The following PCDHGA2 variants were observed in gnomAD, a reference collection of about 807,000 sequenced individuals.
PCDHGA2 encodes protocadherin gamma subfamily A, 2.
PCDHGA2 carries 40 observed loss-of-function variants against 59.2 expected under a neutral mutation model. The ratio of observed to expected loss-of-function variants is 0.68; its 90% confidence interval spans 0.52 to 0.88. The LOEUF is 0.88. Ranked by LOEUF, PCDHGA2 falls within the 40% of genes least tolerant of loss-of-function variation. PCDHGA2 has a pLI of 0.00. For synonymous variants in PCDHGA2, 560 were observed against 526.0 expected, an observed-to-expected ratio of 1.06 and a Z score of -0.89; for missense variants, 1,226 against 1,204.0, an observed-to-expected ratio of 1.02 and a Z score of -0.27.
At chr5:141,409,357 T>C (rs754237134) in intron 1 of PCDHGA2, 4 of 1,613,968 alleles carry the variant, frequency 2.5e-6, no homozygotes, top group Non-Finnish European at 2.5e-6. Flanking sequence ...TCAGGTGTAA[T>C]ATAGAAACAG....
rs147783721 is a variant in PCDHGA2 at position 141,404,989 on chromosome 5, G to A, written c.2424+63594G>A. 5 of 1,614,046 alleles carry A rather than the reference G, an allele frequency of 3.1e-6. No homozygotes were observed. The South Asian group carries it at 4.4e-5, about 14-fold the overall frequency. On this transcript the variant is annotated intron_variant, in intron 1 of 3. Coordinates refer to ENST00000394576, the MANE Select transcript of PCDHGA2 (RefSeq NM_018915.4). The stretch of plus-strand genomic sequence containing the variant: ...TCCTGGCTGACCTGGGCAGTCTTCA[G>A]ATCCCTGCAGACCTGGAGGCCTCAG...
At chr5:141,360,004 C>T in intron 1 of PCDHGA2, 1 of 1,185,444 alleles carries the variant, frequency 8.4e-7, no homozygotes, top group South Asian at 1.9e-5. Context: ...CTGCACAAAC[C>T]AACCACACAG....
intron 1 of PCDHGA2, chr5:141,384,922 C>G: frequency 6.2e-7 from 1 of 1,614,018 alleles, no homozygotes; most frequent in Non-Finnish European, 8.5e-7. Flanking sequence ...CTTGGCCGAC[C>G]TGGGCAGCCT....
intron 1 of PCDHGA2, chr5:141,398,805 T>C: frequency 1.2e-6 from 2 of 1,613,964 alleles, no homozygotes; most frequent in Non-Finnish European, 1.7e-6. Flanking sequence ...GCGGCACCAC[T>C]GAGCTCCGGA....
chr5:141,351,814 C>A, intron 1 of PCDHGA2: 1 of 1,613,246 alleles, frequency 6.2e-7, no homozygotes, highest in South Asian at 1.1e-5. Context: ...CCTTCGACCA[C>A]GAGCAGCTGC....
Position 141,491,874 on chromosome 5 carries a change from T to G in PCDHGA2, c.2425-2933T>G, listed in dbSNP as rs1160702024. On this transcript the variant is annotated intron_variant, in intron 1 of 3. Coordinates refer to ENST00000394576, the MANE Select transcript of PCDHGA2 (RefSeq NM_018915.4). The surrounding 1 kb of genome is among the most constrained non-coding windows in gnomAD (Gnocchi z 6.9). ...GTTTGCGCGAAACCAGAGTGGCCGA[T>G]TAAGGGATGGGGCTCCGAGCACCGG... 15 of 1,451,168 alleles carry G rather than the reference T, an allele frequency of 1.0e-5. No homozygotes were observed. The highest frequency in any genetic ancestry group is 1.4e-5 in the Non-Finnish European group (15 of 1,098,162). 89.9% of individuals were successfully genotyped at this position (1,451,168 alleles called of 1,614,324 possible). A position where few individuals can be genotyped will look rare whatever the true frequency, so the allele number is the denominator to read the frequency against.
Position 141,478,507 on chromosome 5 carries a change from T to C in PCDHGA2, c.2425-16300T>C, listed in dbSNP as rs781120326. The C allele has an allele frequency of 4.3e-6, 7 of 1,612,048 alleles. No homozygotes were observed. In the East Asian group the frequency reaches 1.3e-4, roughly 31 times the overall value. On this transcript the variant is annotated intron_variant, in intron 1 of 3. Transcript: ENST00000394576. The stretch of plus-strand genomic sequence containing the variant: ...TGCGGAGCTGTGATCCGGTGTTCTA[T>C]AGGCAGGTGTTGGGTGCAGAGAGCG...
intron 1 of PCDHGA2, chr5:141,384,324 T>C (rs373247436): frequency 6.2e-7 from 1 of 1,613,862 alleles, no homozygotes; most frequent in Non-Finnish European, 8.5e-7. Flanking sequence ...TCTTAGTGAC[T>C]GCACAGGACC....
At chr5:141,481,070 A>G (rs2099531062) in intron 1 of PCDHGA2, among the ~76,000 whole-genome samples, 1 of 152,144 alleles carries the variant, frequency 6.6e-6, no homozygotes, top group South Asian at 2.1e-4. Context: ...AAACAAAAAG[A>G]AAGAAAGAAA....
chr5:141,432,463 C>A lies in PCDHGA2; in HGVS notation c.2425-62344C>A, dbSNP rs781407406. On this transcript the variant is annotated intron_variant, in intron 1 of 3. Transcript: ENST00000394576. The surrounding 1 kb of genome is among the most constrained non-coding windows in gnomAD (Gnocchi z 6.0). Reference sequence around the variant, plus strand: ...CCGAGATCCTGTACCCCGCCCTCCCCACGGACGGTTCCACTGGCGTGGAGC... The same window carrying A: ...CCGAGATCCTGTACCCCGCCCTCCCAACGGACGGTTCCACTGGCGTGGAGC... The A allele has an allele frequency of 5.6e-6, 9 of 1,614,120 alleles. No homozygotes were observed. In the Admixed American group the frequency reaches 1.3e-4, roughly 24 times the overall value.
intron 1 of PCDHGA2, chr5:141,420,995 C>T (rs1448491394): frequency 2.0e-6 from 1 of 503,150 alleles, no homozygotes; most frequent in East Asian, 3.3e-5. Flanking sequence ...CGCCGCTGCT[C>T]ACCAATCAGG....
chr5:141,461,213 T>C (rs1457474925), intron 1 of PCDHGA2, among the ~76,000 whole-genome samples: 1 of 152,168 alleles, frequency 6.6e-6, no homozygotes, highest in African/African-American at 2.4e-5. Flanking sequence ...AGAATCTCCA[T>C]ACTGTTTTCC....
chr5:141,352,551 T>C (rs1484372863), intron 1 of PCDHGA2: 9 of 1,613,846 alleles, frequency 5.6e-6, no homozygotes, highest in Non-Finnish European at 7.6e-6. Flanking sequence ...TTTAATTCTC[T>C]CAACCTGACA....
chr5:141,489,094 G>GAAT lies in PCDHGA2; in HGVS notation c.2425-5711_2425-5710insTAA, dbSNP rs2154581134. 5.1e-6 allele frequency: 2 copies of GAAT among 396,028 alleles called. No homozygotes were observed. Among genetic ancestry groups the GAAT allele is most frequent in the Non-Finnish European group, 9.0e-6 (2 of 221,296 alleles). 24.5% of individuals were successfully genotyped at this position (396,028 alleles called of 1,614,324 possible). Reference sequence around the variant, plus strand: ...CCCACCCCCGCCACTCGGTGACTAAGAACTGCTGCAAGCAGGCAAACCTCC... The same window carrying GAAT: ...CCCACCCCCGCCACTCGGTGACTAAGAATAACTGCTGCAAGCAGGCAAACCTCC... On this transcript the variant is annotated intron_variant, in intron 1 of 3. Coordinates refer to ENST00000394576, the MANE Select transcript of PCDHGA2 (RefSeq NM_018915.4). The surrounding 1 kb of genome is among the most constrained non-coding windows in gnomAD (Gnocchi z 4.5).
intron 1 of PCDHGA2, among the ~76,000 whole-genome samples, chr5:141,386,272 C>T (rs997122540): frequency 1.3e-5 from 2 of 152,150 alleles, no homozygotes; most frequent in African/African-American, 2.4e-5. Context: ...TAACTACTTC[C>T]ATATTCTTTT....
rs769074023 is a variant in PCDHGA2 at position 141,491,738 on chromosome 5, G to T, written c.2425-3069G>T. On this transcript the variant is annotated intron_variant, in intron 1 of 3. Transcript: ENST00000394576. The surrounding 1 kb of genome is among the most constrained non-coding windows in gnomAD (Gnocchi z 6.9). The stretch of plus-strand genomic sequence containing the variant: ...GCGCCGCCCCGGGCGACCCCTGGGG[G>T]CGGCACTGGAGAAGCCGCCCGTCCT... 38 of 1,600,228 alleles carry T rather than the reference G, an allele frequency of 2.4e-5. No homozygotes were observed. The highest frequency in any genetic ancestry group is 3.1e-5 in the Non-Finnish European group (36 of 1,174,204).
At chr5:141,374,816 C>T (rs771806207) in intron 1 of PCDHGA2, 1 of 1,613,964 alleles carries the variant, frequency 6.2e-7, no homozygotes, top group East Asian at 2.2e-5. Flanking sequence ...GTTTACTCAG[C>T]CTGTCTACCG....
Position 141,418,036 on chromosome 5 carries a change from G to C in PCDHGA2, c.2424+76641G>C, listed in dbSNP as rs933500300. ...CTAAGGATCTAGGGCTTAGTGTCCT[G>C]GATGTGTCGGCTCGCGAGCTGCGAG... On this transcript the variant is annotated intron_variant, in intron 1 of 3. Coordinates refer to ENST00000394576, the MANE Select transcript of PCDHGA2 (RefSeq NM_018915.4). 3.7e-6 allele frequency: 6 copies of C among 1,613,902 alleles called. No individual in the cohort carries two copies. The African/African-American group carries it at 8.0e-5, about 22-fold the overall frequency.
rs146235929 is a variant in PCDHGA2 at position 141,511,610 on chromosome 5, C to A, written c.*437C>A. On this transcript the variant is annotated 3_prime_UTR_variant, in exon 4 of 4. Transcript: ENST00000394576. ...GAAGTACCAAGTAACCTACAAGCCT[C>A]CTAGTTCTGAAAAGTTGGAAGGGCA... 1.0e-3 allele frequency: 247 copies of A among 237,682 alleles called. 1 individual carries two copies. The highest frequency in any genetic ancestry group is 5.2e-3 in the African/African-American group (235 of 45,400). The allele number at this position is 237,682 out of a possible 1,614,324, so 14.7% of individuals were successfully genotyped here. A position where few individuals can be genotyped will look rare whatever the true frequency, so the allele number is the denominator to read the frequency against.
Sources: allele counts gnomAD v4.1 joint callset (sites outside exome capture counted in the v4.1 genomes callset), GRCh38; gene constraint gnomAD v4.1.1; non-coding constraint Gnocchi (gnomAD v3.1); transcripts MANE v1.5; gene names NCBI Gene and HGNC (gene_info 2026-07-23, HGNC 2026-07-21).